The following EML1 variants were observed in gnomAD, a reference collection of about 807,000 sequenced individuals.
The protein encoded by EML1 is echinoderm microtubule-associated protein-like 1.
EML1 carries 27 observed loss-of-function variants against 110.4 expected under a neutral mutation model. The ratio of observed to expected loss-of-function variants is 0.24; its 90% CI spans 0.18 to 0.34. The LOEUF (loss-of-function observed/expected upper bound fraction) is 0.34, where lower values mean the gene tolerates loss of function less well. EML1 is among the 10% of genes least tolerant of loss of function. The pLI, the probability that EML1 is intolerant of heterozygous loss-of-function variation, is 1.00. For missense variants in EML1, 741 were observed against 1,030.9 expected, an observed-to-expected ratio of 0.72 and a Z score of 3.85; for synonymous variants, 344 against 385.8, an observed-to-expected ratio of 0.89 and a Z score of 1.27.
At chr14:99,909,848 C>CT in intron 11 of EML1, among the ~76,000 whole-genome samples, 1 of 152,266 alleles carries the variant, frequency 6.6e-6, no homozygotes, top group South Asian at 2.1e-4. Flanking sequence ...GGGACAGCAC[C>CT]TTTTCCCGGG....
rs748777777 is a variant in EML1, at chr14:99,900,947, C to T, written c.916C>T (p.Arg306Cys). 7 of 1,613,980 alleles carry T rather than the reference C, an allele frequency of 4.3e-6. No individual in the cohort carries two copies. The African/African-American group carries it at 8.0e-5, about 18-fold the overall frequency. The change falls in exon 9 of 22, where the codon CGC becomes TGC. Residue 306 changes from arginine to cysteine, a missense_variant. Coordinates refer to ENST00000262233, the MANE Select transcript of EML1 (RefSeq NM_004434.3). The part of the protein sequence containing the change: ...KDGKQLPPHV[R>C]IWDSVTLNTL... ...TGAACAGCAATTGCCCCCACATGTG[C>T]GCATCTGGGATTCTGTGACATTGAA... is the stretch of plus-strand genomic sequence containing the variant.
chr14:99,918,795 A>G (rs566756773), intron 16 of EML1, among the ~76,000 whole-genome samples: 39 of 152,324 alleles, frequency 2.6e-4, no homozygotes, highest in African/African-American at 9.1e-4. Context: ...CGCCTAAGCC[A>G]CACAGCGAGA....
chr14:99,893,826 A>G (rs2059628925), intron 5 of EML1, among the ~76,000 whole-genome samples: 1 of 152,226 alleles, frequency 6.6e-6, no homozygotes. Flanking sequence ...CGGAGCTCAC[A>G]AGACATTTTC....
chr14:99,920,700 T>C (rs2060115064), intron 16 of EML1, 89 bp from the exon 17 acceptor site: 2 of 1,038,934 alleles, frequency 1.9e-6, no homozygotes, highest in Admixed American at 5.3e-5. Flanking sequence ...TAAGCTTTTA[T>C]GATTAACAAT....
chr14:99,876,447 G>A (rs776227254), intron 3 of EML1, among the ~76,000 whole-genome samples: 8 of 152,142 alleles, frequency 5.3e-5, no homozygotes, highest in Admixed American at 2.0e-4. Context: ...CTAATCCTGC[G>A]CTAGCCTTTG....
In EML1 at chr14:99,753,737, T is replaced by C. The variant is rs1024677340; in HGVS notation, c.28+15877T>C. Reference sequence around the variant, plus strand: ...AGGTGCTCAGTGGGGGTCTTGCTATTTCTCTGTTGCTGCTTGTTGCCATTC... The same window carrying C: ...AGGTGCTCAGTGGGGGTCTTGCTATCTCTCTGTTGCTGCTTGTTGCCATTC... On this transcript the variant is annotated intron_variant, in intron 1 of 10. Transcript: ENST00000554479. Among the ~76,000 whole-genome samples, 6 of 152,172 alleles carry C rather than the reference T, an allele frequency of 3.9e-5. 1 individual carries two copies. The highest frequency in any genetic ancestry group is 1.4e-4 in the African/African-American group (6 of 41,438).
intron 1 of EML1, among the ~76,000 whole-genome samples, chr14:99,804,939 G>T (rs1367364995): frequency 6.6e-6 from 1 of 152,138 alleles, no homozygotes; most frequent in Non-Finnish European, 1.5e-5. Context: ...CAGGGCCCTG[G>T]ATGCAGCCAC....
intron 1 of EML1, among the ~76,000 whole-genome samples, chr14:99,754,637 G>A (rs74621727): frequency 0.035 from 5,256 of 152,298 alleles, 108 homozygotes; most frequent in African/African-American, 0.056. Flanking sequence ...CACTTCTTCC[G>A]AGTTTTGTTT....
At chr14:99,903,781 A>T (rs1158180671) in intron 9 of EML1, among the ~76,000 whole-genome samples, 2 of 98,798 alleles carry the variant, frequency 2.0e-5, no homozygotes, top group Non-Finnish European at 4.0e-5. Context: ...AGATAAATCT[A>T]TTCATTTTTT....
intron 1 of EML1, among the ~76,000 whole-genome samples, chr14:99,830,933 G>A (rs917481285): frequency 2.6e-5 from 4 of 152,140 alleles, no homozygotes; most frequent in African/African-American, 9.7e-5. Flanking sequence ...TTTGTCAGAT[G>A]TCCCTTTTCT....
At chr14:99,868,109 G>A (rs541652128) in intron 3 of EML1, among the ~76,000 whole-genome samples, 3 of 152,044 alleles carry the variant, frequency 2.0e-5, no homozygotes, top group Non-Finnish European at 4.4e-5. Context: ...TGTGAATATT[G>A]TATCACATTG....
chr14:99,874,110 A>G (rs1253630137), intron 3 of EML1, among the ~76,000 whole-genome samples: 3 of 152,210 alleles, frequency 2.0e-5, no homozygotes, highest in Non-Finnish European at 2.9e-5. Flanking sequence ...AGAAAACCTA[A>G]TTGTAGCTTC....
intron 1 of EML1, among the ~76,000 whole-genome samples, chr14:99,816,167 C>CT (rs1455734271): frequency 6.6e-6 from 1 of 152,076 alleles, no homozygotes; most frequent in Non-Finnish European, 1.5e-5. Flanking sequence ...TCATATTTGA[C>CT]TTTATTATTT....
chr14:99,847,570 TA>T (rs2058726840), intron 1 of EML1, among the ~76,000 whole-genome samples: 1 of 152,146 alleles, frequency 6.6e-6, no homozygotes, highest in South Asian at 2.1e-4. Flanking sequence ...AGCTTTTATT[TA>T]TTTTTTTATT....
chr14:99,753,753 G>A (rs995477144), intron 1 of EML1, among the ~76,000 whole-genome samples: 2 of 152,196 alleles, frequency 1.3e-5, no homozygotes, highest in Admixed American at 6.5e-5. Context: ...GTTGCTGCTT[G>A]TTGCCATTCT....
intron 16 of EML1, among the ~76,000 whole-genome samples, chr14:99,919,792 G>C (rs2060099770): frequency 6.6e-6 from 1 of 152,158 alleles, no homozygotes; most frequent in African/African-American, 2.4e-5. Context: ...AAAGGTAAAT[G>C]GTTGTTGAAG....
upstream of EML1, among the ~76,000 whole-genome samples, chr14:99,770,479 C>T (rs541955600): frequency 2.0e-4 from 31 of 151,864 alleles, no homozygotes; most frequent in Middle Eastern, 3.4e-3. Context: ...ATGTGGGTTC[C>T]ACTCTTATGA....
intron 17 of EML1, among the ~76,000 whole-genome samples, chr14:99,929,416 AG>A (rs2060326139): frequency 1.3e-5 from 2 of 152,242 alleles, no homozygotes; most frequent in Non-Finnish European, 2.9e-5. Flanking sequence ...CCCCTGGAAC[AG>A]CACCCAGATG....
chr14:99,835,033 G>GC (rs894778358), intron 1 of EML1, among the ~76,000 whole-genome samples: 1 of 151,772 alleles, frequency 6.6e-6, no homozygotes, highest in Non-Finnish European at 1.5e-5. Context: ...TGTTACCCAG[G>GC]CAAGTCTCAA....
Sources: gnomAD v4.1 joint callset for allele counts (sites outside exome capture counted in the v4.1 genomes callset) on GRCh38, gnomAD v4.1.1 for gene constraint, MANE v1.5 for transcripts, NCBI Gene and HGNC (gene_info 2026-07-23, HGNC 2026-07-21) for gene names.